PTPRD: variants seen among roughly 807,000 people sequenced by gnomAD.
PTPRD encodes the protein receptor-type tyrosine-protein phosphatase delta.
PTPRD carries 34 observed loss-of-function variants against 214.5 expected under a neutral mutation model. That is an observed-to-expected ratio of 0.16 (90% confidence interval 0.12 to 0.21). The LOEUF is 0.21. Among genes scored for constraint, PTPRD ranks in the 10% least tolerant of loss-of-function variants. The pLI is 1.00. For synonymous variants in PTPRD, 1,128 were observed against 845.7 expected (o/e 1.33, Z -5.79); for missense variants, 2,545 against 2,398.7 (o/e 1.06, Z -1.27).
At chr9:9,585,770 A>C (rs1229152046) in intron 7 of PTPRD, among the ~76,000 whole-genome samples, 1 of 151,924 alleles carries the variant, frequency 6.6e-6, no homozygotes, top group Non-Finnish European at 1.5e-5. Context: ...GCAGTTGGCT[A>C]TAGCAAGGGA....
intron 5 of PTPRD, among the ~76,000 whole-genome samples, chr9:9,927,540 A>G (rs16930581): frequency 0.093 from 14,086 of 152,120 alleles, 1,332 homozygotes; most frequent in East Asian, 0.28. Flanking sequence ...TCTGGAAAAC[A>G]ATTGGTGTCT....
intron 35 of PTPRD, among the ~76,000 whole-genome samples, chr9:8,426,541 C>T (rs992492726): frequency 6.6e-6 from 1 of 152,182 alleles, no homozygotes; most frequent in Admixed American, 6.5e-5. Context: ...GAGCCTTGGG[C>T]TCCACATGGG....
chr9:10,456,683 T>A (rs2131076621), intron 2 of PTPRD, among the ~76,000 whole-genome samples: 1 of 151,976 alleles, frequency 6.6e-6, no homozygotes, highest in African/African-American at 2.4e-5. Context: ...AGATTCATCT[T>A]TTTCAGTGTG....
rs1411071827 is a variant in PTPRD, at chr9:9,200,140, T to A, written c.-202-16777A>T. 2.0e-5 allele frequency among the ~76,000 whole-genome samples: 3 copies of A among 152,166 alleles called. No individual in the cohort carries two copies. In the South Asian group the frequency reaches 6.2e-4, roughly 31 times the overall value. On this transcript the variant is annotated intron_variant, in intron 9 of 45. Transcript: ENST00000381196. ...TGCCTCTGCTCCTACTGGGAGCCAT[T>A]TGGTGACCATGAGCAAGCCAGCTTG...
At chr9:8,695,079 C>T (rs932043957) in intron 12 of PTPRD, among the ~76,000 whole-genome samples, 4 of 152,162 alleles carry the variant, frequency 2.6e-5, no homozygotes, top group Non-Finnish European at 5.9e-5. Flanking sequence ...CCGTCTGTCC[C>T]CTCTGCCTTT....
chr9:9,297,583 A>G (rs910678100), intron 9 of PTPRD, among the ~76,000 whole-genome samples: 1 of 151,750 alleles, frequency 6.6e-6, no homozygotes, highest in Non-Finnish European at 1.5e-5. Flanking sequence ...ACAGAAATAT[A>G]TAAATATAAT....
intron 9 of PTPRD, among the ~76,000 whole-genome samples, chr9:9,283,788 A>G (rs1487927382): frequency 6.6e-6 from 1 of 151,656 alleles, no homozygotes; most frequent in Non-Finnish European, 1.5e-5. Context: ...ATCATAGTGA[A>G]TGTGCTAGAT....
At chr9:9,881,491 T>C (rs961094136) in intron 5 of PTPRD, among the ~76,000 whole-genome samples, 2 of 152,148 alleles carry the variant, frequency 1.3e-5, no homozygotes, top group Non-Finnish European at 2.9e-5. Context: ...CTCCACCGCA[T>C]CTTCATCTTT....
intron 10 of PTPRD, among the ~76,000 whole-genome samples, chr9:9,115,192 G>A (rs1270448490): frequency 6.6e-6 from 1 of 152,156 alleles, no homozygotes; most frequent in African/African-American, 2.4e-5. Flanking sequence ...GTTTGAAGAA[G>A]GAAGCCTACA....
chr9:9,555,692 A>C (rs542754437), intron 8 of PTPRD, among the ~76,000 whole-genome samples: 1 of 152,260 alleles, frequency 6.6e-6, no homozygotes, highest in South Asian at 2.1e-4. Context: ...GTAGGTCACA[A>C]AATATGTCCT....
intron 7 of PTPRD, among the ~76,000 whole-genome samples, chr9:9,608,146 C>A (rs2094298289): frequency 6.6e-6 from 1 of 152,054 alleles, no homozygotes; most frequent in Non-Finnish European, 1.5e-5. Flanking sequence ...TAGTAGCTAC[C>A]TCATTGATTG....
intron 11 of PTPRD, among the ~76,000 whole-genome samples, chr9:9,012,949 G>A (rs1027350469): frequency 7.9e-5 from 12 of 151,956 alleles, no homozygotes; most frequent in African/African-American, 2.9e-4. Context: ...ACAGTCTTAG[G>A]TGAAATTTTC....
chr9:9,078,623 G>A (rs2099754490), intron 10 of PTPRD, among the ~76,000 whole-genome samples: 1 of 151,476 alleles, frequency 6.6e-6, no homozygotes, highest in Admixed American at 6.6e-5. Flanking sequence ...GCAGTCTCTG[G>A]GAAAGGAGTT....
chr9:9,909,957 A>T (rs2078724762), intron 5 of PTPRD, among the ~76,000 whole-genome samples: 1 of 151,990 alleles, frequency 6.6e-6, no homozygotes, highest in South Asian at 2.1e-4. Flanking sequence ...CATACAAATG[A>T]CAAAATCATC....
chr9:10,514,469 T>C (rs2049334857), intron 2 of PTPRD, among the ~76,000 whole-genome samples: 1 of 151,562 alleles, frequency 6.6e-6, no homozygotes, highest in Admixed American at 6.6e-5. Flanking sequence ...ATATATAAAA[T>C]AAACTTTTTT....
At chr9:10,592,838 G>T (rs981015186) in intron 2 of PTPRD, among the ~76,000 whole-genome samples, 14 of 151,918 alleles carry the variant, frequency 9.2e-5, no homozygotes, top group Admixed American at 8.5e-4. Context: ...AACACTGACA[G>T]GACAGAAACG....
Position 10,149,274 on chromosome 9 carries a change from A to G in PTPRD, c.-544-115484T>C, listed in dbSNP as rs1380150948. Among the ~76,000 whole-genome samples the G allele has an allele frequency of 1.4e-4, 22 of 152,250 alleles. No individual in the cohort carries two copies. The East Asian group carries it at 4.1e-3, about 28-fold the overall frequency. Reference sequence around the variant, plus strand: ...ATATTTTTACTAAAACATAACATCAACAACTCAAGATAGCAAAGTTTGCTA... The same window carrying G: ...ATATTTTTACTAAAACATAACATCAGCAACTCAAGATAGCAAAGTTTGCTA... On this transcript the variant is annotated intron_variant, in intron 3 of 45. Coordinates refer to ENST00000381196, the MANE Select transcript of PTPRD (RefSeq NM_002839.4).
intron 3 of PTPRD, among the ~76,000 whole-genome samples, chr9:10,227,637 C>T (rs1035990848): frequency 2.0e-5 from 3 of 151,848 alleles, no homozygotes; most frequent in Non-Finnish European, 4.4e-5. Flanking sequence ...GAAAGTGATG[C>T]TGTAATTGTT....
At position 10,332,494 on chromosome 9, in the gene PTPRD, A is replaced by G. The variant is rs1034590693; in HGVS notation, c.-545+8469T>C. Reference sequence around the variant, plus strand: ...GTGAGCAGAGAAAAAAACATCTTTGACTTTCGAACCCATATGTCTCTAAAT... The same window carrying G: ...GTGAGCAGAGAAAAAAACATCTTTGGCTTTCGAACCCATATGTCTCTAAAT... On this transcript the variant is annotated intron_variant, in intron 3 of 45. Coordinates refer to ENST00000381196, the MANE Select transcript of PTPRD (RefSeq NM_002839.4). Among the ~76,000 whole-genome samples the G allele has an allele frequency of 2.0e-5, 3 of 151,800 alleles. No homozygotes were observed. In the South Asian group the frequency reaches 6.2e-4, roughly 31 times the overall value.
Sources: allele counts gnomAD v4.1 joint callset (sites outside exome capture counted in the v4.1 genomes callset), GRCh38; gene constraint gnomAD v4.1.1; transcripts MANE v1.5; gene names NCBI Gene and HGNC (gene_info 2026-07-23, HGNC 2026-07-21).